Variants in SWT1 observed in about 807,000 individuals in gnomAD.
SWT1 encodes SWT1 RNA endoribonuclease homolog, also known as transcriptional protein SWT1.
In SWT1, 33 loss-of-function variants were observed where a neutral mutation model predicts 107.3. That is an observed-to-expected ratio of 0.31 (90% confidence interval 0.23 to 0.41). SWT1 has a LOEUF of 0.41. Among genes scored for constraint, SWT1 ranks in the 10% least tolerant of loss-of-function variants. SWT1 has a pLI of 1.00. For missense variants in SWT1, 898 were observed against 1,028.9 expected (o/e 0.87, Z 1.74); for synonymous variants, 345 against 348.3 (o/e 0.99, Z 0.11).
At chr1:185,206,984 C>T (rs1474454787) in intron 13 of SWT1, among the ~76,000 whole-genome samples, 2 of 152,192 alleles carry the variant, frequency 1.3e-5, no homozygotes, top group Non-Finnish European at 2.9e-5. Flanking sequence ...GCTCATAGAG[C>T]TTGTGACTGT....
chr1:185,184,103 T>C (rs1656250989), intron 7 of SWT1, 140 bp from the exon 8 acceptor site: 1 of 547,390 alleles, frequency 1.8e-6, no homozygotes, highest in Non-Finnish European at 3.3e-6. Flanking sequence ...TAGCCAACTG[T>C]GTAAATCTCT....
At chr1:185,204,450 GT>G (rs1658146248) in intron 11 of SWT1, among the ~76,000 whole-genome samples, 1 of 151,938 alleles carries the variant, frequency 6.6e-6, no homozygotes, top group African/African-American at 2.4e-5. Flanking sequence ...TTTTATTTGA[GT>G]AAAAATATTA....
intron 3 of SWT1, among the ~76,000 whole-genome samples, chr1:185,167,313 T>G (rs1654665634): frequency 6.6e-6 from 1 of 152,318 alleles, no homozygotes; most frequent in South Asian, 2.1e-4. Context: ...CCAGAGTTCT[T>G]TCCACTGTCA....
chr1:185,257,036 T>G lies in SWT1; in HGVS notation c.2442-14287T>G, dbSNP rs531222680. ...CAGCTTCAGGTGTGTTGGAATACCC[T>G]GCCGTGTGAGGTGTCAGTGTGCCCC... On this transcript the variant is annotated intron_variant, in intron 16 of 18. Transcript: ENST00000367500. 4.7e-3 allele frequency among the ~76,000 whole-genome samples: 716 copies of G among 152,132 alleles called. 2 individuals carry two copies. Among genetic ancestry groups the G allele is most frequent in the Non-Finnish European group, 7.3e-3 (495 of 67,940 alleles).
intron 13 of SWT1, among the ~76,000 whole-genome samples, chr1:185,207,600 T>C (rs1290665099): frequency 6.6e-6 from 1 of 152,226 alleles, no homozygotes; most frequent in East Asian, 1.9e-4. Context: ...ATTTGTCTTG[T>C]TATGCCTTTA....
At chr1:185,227,487 CCT>C (rs1660161104) in intron 15 of SWT1, 1 of 566,146 alleles carries the variant, frequency 1.8e-6, no homozygotes, top group East Asian at 3.8e-5. Flanking sequence ...CTATCATATC[CCT>C]CTCTATACGA....
intron 4 of SWT1, chr1:185,171,561 C>T (rs1655062917): frequency 2.3e-6 from 1 of 434,214 alleles, no homozygotes; most frequent in East Asian, 6.5e-5. Flanking sequence ...AGCTTTTCTG[C>T]TCACTTTGAT....
chr1:185,181,861 G>T, intron 6 of SWT1, 85 bp from the exon 7 acceptor site: 1 of 1,423,248 alleles, frequency 7.0e-7, no homozygotes. Flanking sequence ...CATCTCAAGT[G>T]AATTAATTAA....
rs559189909 is a variant in SWT1 at position 185,199,789 on chromosome 1, C to T, written c.1524-2865C>T. Reference sequence around the variant, plus strand: ...GTATTTTCTGAATTTGAATGTTGGCCTGTCCTGCTAGGTTGGGGAAGTTCT... The same window carrying T: ...GTATTTTCTGAATTTGAATGTTGGCTTGTCCTGCTAGGTTGGGGAAGTTCT... On this transcript the variant is annotated intron_variant, in intron 10 of 18. Coordinates refer to ENST00000367500, the MANE Select transcript of SWT1 (RefSeq NM_017673.7). 6.6e-5 allele frequency among the ~76,000 whole-genome samples: 10 copies of T among 152,256 alleles called. No homozygotes were observed. The East Asian group carries it at 1.9e-3, about 29-fold the overall frequency.
intron 18 of SWT1, among the ~76,000 whole-genome samples, chr1:185,289,625 C>T (rs575358093): frequency 8.6e-5 from 13 of 152,038 alleles, no homozygotes; most frequent in East Asian, 1.9e-4. Context: ...TATCAGTGAA[C>T]GAATGGATAA....
At chr1:185,187,575 C>T (rs1571449710) in intron 9 of SWT1, among the ~76,000 whole-genome samples, 1 of 152,130 alleles carries the variant, frequency 6.6e-6, no homozygotes, top group South Asian at 2.1e-4. Context: ...AGGTTAAATT[C>T]TATTAGATAT....
At chr1:185,218,895 T>A (rs1020599588) in intron 14 of SWT1, among the ~76,000 whole-genome samples, 2 of 152,158 alleles carry the variant, frequency 1.3e-5, no homozygotes, top group Admixed American at 6.6e-5. Flanking sequence ...AATTAACAAG[T>A]TAATATTTGT....
chr1:185,291,368 C>T lies in SWT1; in HGVS notation c.*565C>T, dbSNP rs1665240558. The T allele has an allele frequency of 6.6e-6, 1 of 152,628 alleles. No individual in the cohort carries two copies. Among genetic ancestry groups the T allele is most frequent in the African/African-American group, 2.4e-5 (1 of 41,456 alleles). The allele number at this position is 152,628 out of a possible 1,614,324, so 9.5% of individuals were successfully genotyped here. ...AGTAGAAATTTGACTGAAGCTCCTA[C>T]TTCCTTATACAGCCTTTCCTTCTGT... is the stretch of plus-strand genomic sequence containing the variant. On this transcript the variant is annotated 3_prime_UTR_variant, in exon 19 of 19. Coordinates refer to ENST00000367500, the MANE Select transcript of SWT1 (RefSeq NM_017673.7).
chr1:185,171,579 T>C, intron 4 of SWT1: 1 of 468,938 alleles, frequency 2.1e-6, no homozygotes, highest in Non-Finnish European at 4.2e-6. Context: ...GATCCTCTCT[T>C]GCAAAAACTG....
At chr1:185,238,161 A>AT (rs1418877704) in intron 16 of SWT1, among the ~76,000 whole-genome samples, 3 of 151,788 alleles carry the variant, frequency 2.0e-5, no homozygotes, top group Admixed American at 1.3e-4. Flanking sequence ...TAATTTTTGT[A>AT]TTTTTTGTAG....
chr1:185,185,022 C>T (rs1656332877), intron 9 of SWT1, 91 bp downstream of exon 9: 1 of 879,832 alleles, frequency 1.1e-6, no homozygotes, highest in East Asian at 3.0e-5. Flanking sequence ...ACTTTTAAAA[C>T]ATTTAAACCC....
intron 9 of SWT1, among the ~76,000 whole-genome samples, chr1:185,185,366 A>G (rs941377609): frequency 6.6e-6 from 1 of 152,172 alleles, no homozygotes; most frequent in African/African-American, 2.4e-5. Context: ...ACAATAAAGT[A>G]GTGTATAGAT....
At chr1:185,215,372 A>G (rs780234042) in intron 14 of SWT1, among the ~76,000 whole-genome samples, 1 of 152,136 alleles carries the variant, frequency 6.6e-6, no homozygotes, top group Non-Finnish European at 1.5e-5. Flanking sequence ...GGGATATCCT[A>G]TGTAACTACA....
intron 16 of SWT1, among the ~76,000 whole-genome samples, chr1:185,251,752 C>A (rs1483317186): frequency 6.6e-6 from 1 of 151,238 alleles, no homozygotes; most frequent in Admixed American, 6.6e-5. Context: ...TCCAATCAGA[C>A]AATTTGTTTT....
Sources: allele counts gnomAD v4.1 joint callset (sites outside exome capture counted in the v4.1 genomes callset), GRCh38; gene constraint gnomAD v4.1.1; transcripts MANE v1.5; gene names NCBI Gene and HGNC (gene_info 2026-07-23, HGNC 2026-07-21).